Variants in ST8SIA6 observed in about 807,000 individuals in gnomAD.
ST8SIA6 encodes the protein ST8 alpha-N-acetyl-neuraminide alpha-2,8-sialyltransferase 6.
A neutral mutation model predicts 33.6 loss-of-function variants in ST8SIA6; 39 were observed. The ratio of observed to expected loss-of-function variants is 1.16; its 90% CI spans 0.90 to 1.52. The LOEUF (loss-of-function observed/expected upper bound fraction) is 1.52. Among genes scored for constraint, ST8SIA6 ranks in the 40% most tolerant of loss-of-function variants. The pLI is 0.00. For missense variants in ST8SIA6, 441 were observed against 443.8 expected, an observed-to-expected ratio of 0.99 and a Z score of 0.06; for synonymous variants, 172 against 167.2, an observed-to-expected ratio of 1.03 and a Z score of -0.22.
intron 3 of ST8SIA6, among the ~76,000 whole-genome samples, chr10:17,368,523 C>G (rs1354793632): frequency 6.7e-6 from 1 of 149,608 alleles, no homozygotes; most frequent in East Asian, 1.9e-4. Context: ...GTGCTAGGTA[C>G]TTCAATGTAC....
rs758993761 is a variant in ST8SIA6 at position 17,321,299 on chromosome 10, G to T, written c.776C>A (p.Ala259Glu). Residue 259 changes from alanine (A) to glutamate (E), a missense_variant, in exon 8 of 8, where the codon GCA (alanine) becomes GAA (glutamate). Ala to Glu is a moderately radical substitution (Grantham distance 107, BLOSUM62 -1). Coordinates refer to ENST00000377602, the MANE Select transcript of ST8SIA6 (RefSeq NM_001004470.3). ...EKKALFLEDI[A>E]TYGDAFFLLP... ...AAGAAAAAATGCATCTCCATAGGTT[G>T]CAATGTCCTCCAGAAATAGGGCTTT... The T allele has an allele frequency of 6.8e-6, 11 of 1,612,716 alleles. No individual in the cohort carries two copies. The highest frequency in any genetic ancestry group is 1.7e-4 in the Middle Eastern group (1 of 6,050).
chr10:17,358,649 GAAT>G (rs1349390894), intron 4 of ST8SIA6, among the ~76,000 whole-genome samples: 5 of 122,660 alleles, frequency 4.1e-5, no homozygotes, highest in Non-Finnish European at 6.9e-5. Flanking sequence ...AGAAGAAAAA[GAAT>G]AAGGAGGAGG....
intron 4 of ST8SIA6, among the ~76,000 whole-genome samples, chr10:17,357,063 G>A (rs551772417): frequency 4.6e-5 from 7 of 152,188 alleles, no homozygotes; most frequent in East Asian, 1.9e-4. Context: ...TGCTCCTATC[G>A]GGCATCTAAG....
intron 6 of ST8SIA6, among the ~76,000 whole-genome samples, chr10:17,323,392 C>CG (rs1848026176): frequency 8.9e-6 from 1 of 111,906 alleles, no homozygotes; most frequent in Non-Finnish European, 1.8e-5. Context: ...AAATATACAC[C>CG]TTTTTTTTTT....
chr10:17,415,874 A>G (rs1851592336), intron 2 of ST8SIA6, among the ~76,000 whole-genome samples: 2 of 138,916 alleles, frequency 1.4e-5, no homozygotes, highest in Non-Finnish European at 3.0e-5. Context: ...CAGTGGCATG[A>G]TATCGGCTCA....
chr10:17,350,317 AAAAAT>A (rs1848988140), intron 4 of ST8SIA6, among the ~76,000 whole-genome samples: 1 of 152,234 alleles, frequency 6.6e-6, no homozygotes, highest in Non-Finnish European at 1.5e-5. Flanking sequence ...AAATGAAACA[AAAAAT>A]AAAATCGAGA....
intron 2 of ST8SIA6, among the ~76,000 whole-genome samples, chr10:17,406,495 C>T (rs1588895664): frequency 2.0e-5 from 3 of 152,324 alleles, no homozygotes; most frequent in South Asian, 2.1e-4. Context: ...TTTTCTCCCA[C>T]GGGATGTGCA....
rs1853025498 is a variant in ST8SIA6 at position 17,454,061 on chromosome 10, C to G, written c.101+94G>C. The G allele has an allele frequency of 8.3e-6, 2 of 240,806 alleles. No homozygotes were observed. The highest frequency in any genetic ancestry group is 3.1e-4 in the South Asian group (2 of 6,396). 14.9% of individuals were successfully genotyped at this position (240,806 alleles called of 1,614,324 possible). On this transcript the variant is annotated intron_variant, in intron 1 of 7. Transcript: ENST00000377602. This position sits in a 1 kb window ranked among gnomAD's most constrained non-coding sequence, Gnocchi z 4.1. ...TGCTCCCCGCCGCGGCCAAAAGTCT[C>G]CGCGCCCGAGGGGAAGCGATGGGCG...
chr10:17,322,640 T>C (rs1440585258), intron 7 of ST8SIA6, among the ~76,000 whole-genome samples: 2 of 152,220 alleles, frequency 1.3e-5, no homozygotes, highest in Non-Finnish European at 2.9e-5. Flanking sequence ...ATGGTAATTA[T>C]TGTTTAGTAA....
chr10:17,391,483 C>T (rs1191851206), intron 2 of ST8SIA6, among the ~76,000 whole-genome samples: 1 of 150,610 alleles, frequency 6.6e-6, no homozygotes, highest in Non-Finnish European at 1.5e-5. Flanking sequence ...AGGATGGTCT[C>T]GATCTCCTGA....
At chr10:17,418,140 CCTGGAGCTCCTGGT>C (rs1437538864) in intron 2 of ST8SIA6, among the ~76,000 whole-genome samples, 1 of 152,190 alleles carries the variant, frequency 6.6e-6, no homozygotes, top group Non-Finnish European at 1.5e-5. Flanking sequence ...CTCACTGCAG[CCTGGAGCTCCTGGT>C]CTCAAGCAAT....
In ST8SIA6 at chr10:17,453,615, G is replaced by A; in HGVS notation, c.144C>T (p.Pro48=). ...EESREATHGT[P]AALRTLRSPA... ...GGCTCCGGAGCGTCCTCAGCGCTGCGGGGGTGCCGTGGGTGGCCTCCCTGC... is the reference window on the plus strand; with the variant it reads ...GGCTCCGGAGCGTCCTCAGCGCTGCAGGGGTGCCGTGGGTGGCCTCCCTGC... Residue 48 remains proline, a synonymous_variant, in exon 2 of 8, where the codon CCC becomes CCT. Transcript: ENST00000377602. 1 of 1,329,996 alleles carries A rather than the reference G, an allele frequency of 7.5e-7. No individual in the cohort carries two copies. The highest frequency in any genetic ancestry group is 9.7e-7 in the Non-Finnish European group (1 of 1,032,418). The allele number at this position is 1,329,996 out of a possible 1,614,324, so 82.4% of individuals were successfully genotyped here.
intron 3 of ST8SIA6, among the ~76,000 whole-genome samples, chr10:17,388,013 T>A (rs1167634171): frequency 6.6e-6 from 1 of 152,194 alleles, no homozygotes; most frequent in Non-Finnish European, 1.5e-5. Context: ...TAAAACATAA[T>A]TTCTGGTTAT....
chr10:17,401,226 A>T (rs1458624178), intron 2 of ST8SIA6, among the ~76,000 whole-genome samples: 1 of 152,194 alleles, frequency 6.6e-6, no homozygotes, highest in African/African-American at 2.4e-5. Context: ...CTTACAAGGG[A>T]TGTGAAGGAC....
chr10:17,448,543 T>C (rs1020962950), intron 2 of ST8SIA6, among the ~76,000 whole-genome samples: 4 of 152,194 alleles, frequency 2.6e-5, no homozygotes, highest in Non-Finnish European at 4.4e-5. Context: ...ACCCCTCATT[T>C]CTAATGATTG....
intron 6 of ST8SIA6, 31 bp from the exon 7 acceptor site, chr10:17,323,188 A>T: frequency 6.3e-7 from 1 of 1,585,744 alleles, no homozygotes; most frequent in Non-Finnish European, 8.7e-7. Context: ...CATTTTCAAA[A>T]TAGAACTTGT....
chr10:17,443,550 C>T (rs1434211730), intron 2 of ST8SIA6, among the ~76,000 whole-genome samples: 1 of 152,008 alleles, frequency 6.6e-6, no homozygotes, highest in Non-Finnish European at 1.5e-5. Flanking sequence ...CAGGTTGTGC[C>T]CTATAAAATT....
chr10:17,358,641 A>G (rs12241462), intron 4 of ST8SIA6, among the ~76,000 whole-genome samples: 2 of 128,180 alleles, frequency 1.6e-5, no homozygotes, highest in South Asian at 6.0e-4. Context: ...AAGGAAGGAG[A>G]AGAAAAAGAA....
intron 2 of ST8SIA6, among the ~76,000 whole-genome samples, chr10:17,393,908 C>T (rs1850711328): frequency 6.6e-6 from 1 of 152,232 alleles, no homozygotes; most frequent in African/African-American, 2.4e-5. Flanking sequence ...CCAATTCCCT[C>T]TAATTCATTC....
Sources: gnomAD v4.1 joint callset for allele counts (sites outside exome capture counted in the v4.1 genomes callset) on GRCh38, gnomAD v4.1.1 for gene constraint, Gnocchi (gnomAD v3.1) non-coding constraint, MANE v1.5 for transcripts, NCBI Gene and HGNC (gene_info 2026-07-23, HGNC 2026-07-21) for gene names.